The following CLSTN1 variants were observed in gnomAD, a reference collection of about 807,000 sequenced individuals.
CLSTN1 encodes the protein calsyntenin-1.
In CLSTN1, 28 loss-of-function variants were observed where a neutral mutation model predicts 108.3. That is an observed-to-expected ratio of 0.26 (90% CI 0.19 to 0.35). CLSTN1 has a LOEUF of 0.35. CLSTN1 is among the 10% of genes least tolerant of loss of function. CLSTN1 has a pLI of 1.00. For missense variants in CLSTN1, 1,157 were observed against 1,302.6 expected (o/e 0.89, Z 1.72); for synonymous variants, 524 against 534.9 (o/e 0.98, Z 0.28).
In CLSTN1 at chr1:9,808,002, C is replaced by T. The variant is rs117918663; in HGVS notation, c.91+15641G>A. 4.2e-3 allele frequency among the ~76,000 whole-genome samples: 637 copies of T among 152,320 alleles called. 12 individuals carry two copies. In the East Asian group the frequency reaches 0.043, roughly 10 times the overall value. ...TGGCTGCTGCCCCCACAGAATCCTG[C>T]GGCGCTGCCACTCCAATGCCTCCCA... On this transcript the variant is annotated intron_variant, in intron 1 of 18. Coordinates refer to ENST00000377298, the MANE Select transcript of CLSTN1 (RefSeq NM_001009566.3).
rs1047542269 is a variant in CLSTN1 at position 9,734,292 on chromosome 1, C to T, written c.2111-150G>A. The stretch of plus-strand genomic sequence containing the variant: ...GCAAGCGAGAGTTGCTTTCAAGAAA[C>T]GGCTGGGCGCAGTGGCTCACGCCTG... On this transcript the variant is annotated intron_variant, in intron 14 of 18. Transcript: ENST00000377298. The surrounding 1 kb of genome is among the most constrained non-coding windows in gnomAD (Gnocchi z 4.8). The T allele has an allele frequency of 1.0e-5, 8 of 768,988 alleles. No homozygotes were observed. The highest frequency in any genetic ancestry group is 3.5e-5 in the African/African-American group (2 of 56,968). The allele number at this position is 768,988 out of a possible 1,614,324, so 47.6% of individuals were successfully genotyped here.
At chr1:9,810,201 T>C (rs1570521451) in intron 1 of CLSTN1, among the ~76,000 whole-genome samples, 1 of 91,968 alleles carries the variant, frequency 1.1e-5, no homozygotes, top group Non-Finnish European at 2.3e-5. Context: ...GCAGGCAGGG[T>C]ATGGTGGCTC....
Position 9,796,298 on chromosome 1 carries a change from A to AC in CLSTN1, c.92-22905_92-22904insG, listed in dbSNP as rs1272386595. On this transcript the variant is annotated intron_variant, in intron 1 of 18. Coordinates refer to ENST00000377298, the MANE Select transcript of CLSTN1 (RefSeq NM_001009566.3). ...AAAAACAAAAAACAAAACAAAACAA[A>AC]AAAAAAAAAACAGGCATTTGACCTG... Among the ~76,000 whole-genome samples the AC allele has an allele frequency of 2.3e-3, 337 of 149,300 alleles. 3 individuals carry two copies. The highest frequency in any genetic ancestry group is 7.8e-3 in the African/African-American group (316 of 40,404).
chr1:9,801,903 AC>A (rs1366342169), intron 1 of CLSTN1, among the ~76,000 whole-genome samples: 1 of 152,124 alleles, frequency 6.6e-6, no homozygotes, highest in African/African-American at 2.4e-5. Flanking sequence ...TTACAAGAAA[AC>A]TACACACCAA....
At chr1:9,732,634 T>G (rs781347485) in intron 16 of CLSTN1, among the ~76,000 whole-genome samples, 1 of 152,204 alleles carries the variant, frequency 6.6e-6, no homozygotes, top group African/African-American at 2.4e-5. Context: ...TTGGGTCAAT[T>G]TTCTCCAGGC....
At chr1:9,786,238 C>G (rs1378803407) in intron 1 of CLSTN1, among the ~76,000 whole-genome samples, 1 of 152,168 alleles carries the variant, frequency 6.6e-6, no homozygotes, top group Non-Finnish European at 1.5e-5. Context: ...CTTAAGCTAA[C>G]AGAACAATTG....
intron 1 of CLSTN1, among the ~76,000 whole-genome samples, chr1:9,809,005 C>A (rs1236171865): frequency 6.6e-6 from 1 of 152,144 alleles, no homozygotes; most frequent in African/African-American, 2.4e-5. Context: ...GCCCAAGGGG[C>A]CCATGTTTGT....
At chr1:9,731,957 C>A in intron 16 of CLSTN1, 61 bp from the exon 17 acceptor site, 1 of 1,603,118 alleles carries the variant, frequency 6.2e-7, no homozygotes. Context: ...CAAGAGGTGA[C>A]AGTGGAGTCC....
chr1:9,787,357 A>C (rs1231082626), intron 1 of CLSTN1, among the ~76,000 whole-genome samples: 5 of 150,218 alleles, frequency 3.3e-5, no homozygotes, highest in Non-Finnish European at 7.4e-5. Context: ...AGTAATCCTC[A>C]CTTCCTACAA....
intron 1 of CLSTN1, among the ~76,000 whole-genome samples, chr1:9,818,229 C>T (rs1655053127): frequency 6.6e-6 from 1 of 151,254 alleles, no homozygotes; most frequent in Admixed American, 6.6e-5. Context: ...AGGCTGGTCT[C>T]GAACTCCTGG....
chr1:9,744,046 T>A, intron 8 of CLSTN1, 41 bp from the exon 9 acceptor site: 1 of 1,601,318 alleles, frequency 6.2e-7, no homozygotes, highest in South Asian at 1.1e-5. Flanking sequence ...CAACTAAAGA[T>A]CCAAAGGAGA....
chr1:9,810,090 A>G, intron 1 of CLSTN1, among the ~76,000 whole-genome samples: 1 of 5,402 alleles, frequency 1.9e-4, no homozygotes, highest in Non-Finnish European at 3.5e-4. Flanking sequence ...GAGAGAAAGG[A>G]AGGAGGGAGG....
rs1223870459 is a variant in CLSTN1 at position 9,756,427 on chromosome 1, A to G, written c.244+54T>C. 8 of 1,493,736 alleles carry G rather than the reference A, an allele frequency of 5.4e-6. No homozygotes were observed. The South Asian group carries it at 5.7e-5, about 11-fold the overall frequency. The allele number at this position is 1,493,736 out of a possible 1,614,324, so 92.5% of individuals were successfully genotyped here. A position where few individuals can be genotyped will look rare whatever the true frequency, so the allele number is the denominator to read the frequency against. ...TTAAGGGCTGATTCCCAATTTTATA[A>G]ACAAAGTTAGTGGGTTAATATTCAT... On this transcript the variant is annotated intron_variant, in intron 3 of 18. Transcript: ENST00000377298.
intron 1 of CLSTN1, among the ~76,000 whole-genome samples, chr1:9,791,848 G>A (rs72855727): frequency 0.012 from 1,805 of 150,494 alleles, 40 homozygotes; most frequent in African/African-American, 0.042. Context: ...ATCCTTTTTA[G>A]TTTAATGTTA....
At chr1:9,795,808 A>G (rs1653963072) in intron 1 of CLSTN1, among the ~76,000 whole-genome samples, 1 of 150,906 alleles carries the variant, frequency 6.6e-6, no homozygotes, top group Non-Finnish European at 1.5e-5. Flanking sequence ...ATTTAAAATT[A>G]GCCAAGCATG....
intron 4 of CLSTN1, among the ~76,000 whole-genome samples, chr1:9,753,493 AT>A (rs112701748): frequency 3.4e-3 from 487 of 142,792 alleles, no homozygotes; most frequent in African/African-American, 4.8e-3. Flanking sequence ...GCAGTGACTA[AT>A]TTTTTTTTTT....
At chr1:9,754,037 G>A (rs1422418449) in intron 4 of CLSTN1, among the ~76,000 whole-genome samples, 1 of 150,470 alleles carries the variant, frequency 6.6e-6, no homozygotes, top group Non-Finnish European at 1.5e-5. Context: ...AAACTCCTAG[G>A]CTCAAGCAAT....
At position 9,744,584 on chromosome 1, in the gene CLSTN1, T is replaced by C. The variant is rs769214503; in HGVS notation, c.1045A>G (p.Met349Val). Residue 349 changes from methionine (M) to valine (V), a missense_variant, in exon 8 of 19, where the codon ATG becomes GTG. Coordinates refer to ENST00000377298, the MANE Select transcript of CLSTN1 (RefSeq NM_001009566.3). ...PSPSGSLNWT[M>V]GLPTDNGHDS... Reference sequence around the variant, plus strand: ...TGGCCATTGTCGGTGGGCAGGCCCATGGTCCAGTTGAGGGATCCACTCGGG... The same window carrying C: ...TGGCCATTGTCGGTGGGCAGGCCCACGGTCCAGTTGAGGGATCCACTCGGG... 1.9e-6 allele frequency: 3 copies of C among 1,613,320 alleles called. No homozygotes were observed. The highest frequency in any genetic ancestry group is 1.1e-5 in the South Asian group (1 of 91,052).
chr1:9,761,972 G>A (rs1652095061), intron 2 of CLSTN1, among the ~76,000 whole-genome samples: 1 of 152,202 alleles, frequency 6.6e-6, no homozygotes, highest in Admixed American at 6.5e-5. Context: ...CCAGGAAACA[G>A]GAACCGCAAC....
Sources: allele counts gnomAD v4.1 joint callset (sites outside exome capture counted in the v4.1 genomes callset), GRCh38; gene constraint gnomAD v4.1.1; non-coding constraint Gnocchi (gnomAD v3.1); transcripts MANE v1.5; gene names NCBI Gene and HGNC (gene_info 2026-07-23, HGNC 2026-07-21).